BAIAP2L1: variants seen among roughly 807,000 people sequenced by gnomAD.
The protein encoded by BAIAP2L1 is BAR/IMD domain-containing adapter protein 2-like 1.
In BAIAP2L1, 35 loss-of-function variants were observed where a neutral mutation model predicts 66.3. The ratio of observed to expected loss-of-function variants is 0.53; its 90% CI spans 0.40 to 0.70. BAIAP2L1 has a LOEUF of 0.70. BAIAP2L1 is among the 30% of genes least tolerant of loss of function. BAIAP2L1 has a pLI of 0.00. For missense variants in BAIAP2L1, 622 were observed against 656.9 expected (o/e 0.95, Z 0.58); for synonymous variants, 269 against 248.7 (o/e 1.08, Z -0.77).
At chr7:98,362,304 T>C in intron 2 of BAIAP2L1, 53 bp downstream of exon 2, 1 of 1,341,984 alleles carries the variant, frequency 7.5e-7, no homozygotes, top group Non-Finnish European at 1.0e-6. Context: ...TAAAAATAAT[T>C]ACATATTTAC....
chr7:98,324,477 T>G (rs1399509329), intron 3 of BAIAP2L1, among the ~76,000 whole-genome samples: 1 of 152,218 alleles, frequency 6.6e-6, no homozygotes, highest in African/African-American at 2.4e-5. Context: ...GAGATGCATT[T>G]AGCCAATAGG....
At chr7:98,378,695 G>A (rs1462324611) in intron 1 of BAIAP2L1, among the ~76,000 whole-genome samples, 3 of 152,158 alleles carry the variant, frequency 2.0e-5, no homozygotes, top group Admixed American at 2.0e-4. Flanking sequence ...GAGTACAGTG[G>A]CATGACCTCG....
At chr7:98,320,157 C>T (rs757190308) in intron 4 of BAIAP2L1, 28 bp from the exon 5 acceptor site, 1 of 1,598,334 alleles carries the variant, frequency 6.3e-7, no homozygotes, top group Non-Finnish European at 8.6e-7. Context: ...TAAATTCATA[C>T]CAGGTTTGAG....
At chr7:98,313,325 T>C (rs912609177) in intron 7 of BAIAP2L1, among the ~76,000 whole-genome samples, 2 of 152,098 alleles carry the variant, frequency 1.3e-5, no homozygotes, top group African/African-American at 4.8e-5. Context: ...TTGGTCTGCG[T>C]CACTCTAGAA....
intron 3 of BAIAP2L1, among the ~76,000 whole-genome samples, chr7:98,322,466 A>T (rs1441978901): frequency 1.3e-5 from 2 of 152,120 alleles, no homozygotes; most frequent in Non-Finnish European, 2.9e-5. Flanking sequence ...CTTCTCGCCC[A>T]TGTGTAATAC....
chr7:98,337,076 T>C (rs1489987075), intron 3 of BAIAP2L1, among the ~76,000 whole-genome samples: 5 of 152,148 alleles, frequency 3.3e-5, no homozygotes, highest in African/African-American at 1.2e-4. Flanking sequence ...ATAAAATTCA[T>C]TTACTGTGCA....
In BAIAP2L1 at chr7:98,359,344, C is replaced by G. The variant is rs908760927; in HGVS notation, c.127+3013G>C. ...CTGGAGTGCAATGGCACGATCTCTG[C>G]TCACTGCAACCTTTACCTCCCGGGT... On this transcript the variant is annotated intron_variant, in intron 2 of 13. Coordinates refer to ENST00000005260, the MANE Select transcript of BAIAP2L1 (RefSeq NM_018842.5). Among the ~76,000 whole-genome samples the G allele has an allele frequency of 1.1e-4, 17 of 150,480 alleles. 1 individual carries two copies. The highest frequency in any genetic ancestry group is 3.9e-4 in the African/African-American group (16 of 40,872).
At chr7:98,358,389 ACT>A (rs1802190457) in intron 2 of BAIAP2L1, among the ~76,000 whole-genome samples, 1 of 151,432 alleles carries the variant, frequency 6.6e-6, no homozygotes, top group Non-Finnish European at 1.5e-5. Flanking sequence ...TCAGCGTCTC[ACT>A]CTGTTGCCCA....
intron 3 of BAIAP2L1, among the ~76,000 whole-genome samples, chr7:98,329,331 A>C (rs1801441902): frequency 6.6e-6 from 1 of 152,232 alleles, no homozygotes; most frequent in Non-Finnish European, 1.5e-5. Flanking sequence ...GCAGAGACCA[A>C]TGCTGGGGCC....
intron 12 of BAIAP2L1, 147 bp from the exon 13 acceptor site, chr7:98,294,258 G>T: frequency 1.3e-6 from 1 of 762,972 alleles, no homozygotes; most frequent in Non-Finnish European, 2.1e-6. Flanking sequence ...CTCCTAATGT[G>T]CTGGGACTAC....
At chr7:98,347,380 A>C (rs1338058277) in intron 3 of BAIAP2L1, among the ~76,000 whole-genome samples, 1 of 152,214 alleles carries the variant, frequency 6.6e-6, no homozygotes, top group African/African-American at 2.4e-5. Flanking sequence ...TGCAGTATCA[A>C]AATGACTTTG....
At chr7:98,379,028 A>G (rs1241438236) in intron 1 of BAIAP2L1, among the ~76,000 whole-genome samples, 1 of 151,970 alleles carries the variant, frequency 6.6e-6, no homozygotes, top group East Asian at 1.9e-4. Flanking sequence ...ACTGGGTTTC[A>G]CCGTGTTAGC....
chr7:98,393,116 CATATATGTATATAT>C (rs1803099547), intron 1 of BAIAP2L1, among the ~76,000 whole-genome samples: 1 of 116,622 alleles, frequency 8.6e-6, no homozygotes, highest in Admixed American at 8.2e-5. Context: ...TATATGTACA[CATATATGTATATAT>C]ACACACATAT....
chr7:98,307,410 C>A, intron 10 of BAIAP2L1: 1 of 1,268,688 alleles, frequency 7.9e-7, no homozygotes, highest in Non-Finnish European at 1.0e-6. Context: ...TGGCCAAATG[C>A]TAAATTTTTT....
At chr7:98,384,156 G>GAAA (rs76408692) in intron 1 of BAIAP2L1, among the ~76,000 whole-genome samples, 4 of 112,408 alleles carry the variant, frequency 3.6e-5, no homozygotes, top group Non-Finnish European at 7.0e-5. Context: ...CTCCGTCTCA[G>GAAA]AAAAAAAAAA....
In BAIAP2L1 at chr7:98,393,915, A is replaced by G. The variant is rs187737050; in HGVS notation, c.51+6887T>C. Among the ~76,000 whole-genome samples, 1,245 of 148,264 alleles carry G rather than the reference A, an allele frequency of 8.4e-3. 9 individuals are homozygous for G. The highest frequency in any genetic ancestry group is 0.012 in the Non-Finnish European group (785 of 66,968). Reference sequence around the variant, plus strand: ...AGTCGGGAGTTCGAGACCAGCCTGAACAACATGGTGAAACCCCATCTCTAC... The same window carrying G: ...AGTCGGGAGTTCGAGACCAGCCTGAGCAACATGGTGAAACCCCATCTCTAC... On this transcript the variant is annotated intron_variant, in intron 1 of 13. Transcript: ENST00000005260.
chr7:98,325,370 A>G (rs1209149773), intron 3 of BAIAP2L1, among the ~76,000 whole-genome samples: 2 of 150,472 alleles, frequency 1.3e-5, no homozygotes, highest in East Asian at 2.0e-4. Context: ...TCTAAAATAA[A>G]TAAATAAATA....
chr7:98,297,200 G>GCAAGAATC (rs1423476909), intron 12 of BAIAP2L1, among the ~76,000 whole-genome samples: 2 of 152,208 alleles, frequency 1.3e-5, no homozygotes, highest in African/African-American at 4.8e-5. Flanking sequence ...CCCATCTCCC[G>GCAAGAATC]CAAGAATCCA....
intron 2 of BAIAP2L1, among the ~76,000 whole-genome samples, chr7:98,359,745 G>GTTTTTTTTTT (rs780836343): frequency 1.0e-4 from 11 of 109,044 alleles, no homozygotes; most frequent in South Asian, 3.0e-4. Context: ...GTAGACCTGG[G>GTTTTTTTTTT]TTTTTTTTTT....
Sources: allele counts gnomAD v4.1 joint callset (sites outside exome capture counted in the v4.1 genomes callset), GRCh38; gene constraint gnomAD v4.1.1; transcripts MANE v1.5; gene names NCBI Gene and HGNC (gene_info 2026-07-23, HGNC 2026-07-21).